CPO: variants seen among roughly 807,000 people sequenced by gnomAD.
The protein encoded by CPO is metallocarboxypeptidase C.
In CPO, 43 loss-of-function variants were observed where a neutral mutation model predicts 41.2. That is an observed-to-expected ratio of 1.04 (90% CI 0.82 to 1.35). The LOEUF is 1.35. Among genes scored for constraint, CPO ranks in the 40% most tolerant of loss-of-function variants. The pLI is 0.00. For missense variants in CPO, 408 were observed against 451.7 expected (o/e 0.90, Z 0.88); for synonymous variants, 178 against 162.7 (o/e 1.09, Z -0.72).
chr2:206,968,586 C>T (rs1444544451), intron 8 of CPO, among the ~76,000 whole-genome samples: 1 of 152,164 alleles, frequency 6.6e-6, no homozygotes, highest in Non-Finnish European at 1.5e-5. Context: ...CAGAACTTCT[C>T]CTGGCTTCAG....
chr2:206,943,732 A>ATAGAT (rs1693081546), intron 1 of CPO, among the ~76,000 whole-genome samples: 80 of 27,618 alleles, frequency 2.9e-3, no homozygotes, highest in Admixed American at 6.3e-3. Flanking sequence ...GATAGATGAT[A>ATAGAT]GATAGATAGA....
chr2:206,961,424 G>A (rs933260864), intron 6 of CPO, among the ~76,000 whole-genome samples: 1 of 152,120 alleles, frequency 6.6e-6, no homozygotes, highest in Non-Finnish European at 1.5e-5. Flanking sequence ...AGATGGGAAG[G>A]GTTAAAATTG....
intron 3 of CPO, 33 bp downstream of exon 3, chr2:206,955,597 G>T: frequency 9.0e-7 from 1 of 1,114,042 alleles, no homozygotes; most frequent in South Asian, 1.2e-5. Flanking sequence ...ACCTTACCAG[G>T]AGAATTATCC....
intron 7 of CPO, among the ~76,000 whole-genome samples, chr2:206,967,200 A>G (rs934280554): frequency 1.3e-5 from 2 of 152,066 alleles, no homozygotes; most frequent in Non-Finnish European, 2.9e-5. Flanking sequence ...CCTAGGCGAC[A>G]TGCAACAGAA....
At position 206,949,663 on chromosome 2, in the gene CPO, C is replaced by G. The variant is rs781617344; in HGVS notation, c.115C>G (p.Pro39Ala). 6.2e-7 allele frequency: 1 copy of G among 1,613,458 alleles called. No homozygotes were observed. Among genetic ancestry groups the G allele is most frequent in the Admixed American group, 1.7e-5 (1 of 59,992 alleles). ...AGAGATTGTGGACAAGTCAGTGAGT[C>G]CATGGAGCCTGGAGACGTATTCCTA... is the stretch of plus-strand genomic sequence containing the variant. ...RQEIVDKSVS[P>A]WSLETYSYNI... The change falls in exon 2 of 9, where the codon CCA (proline) becomes GCA (alanine). Residue 39 changes from proline (P) to alanine (A), a missense_variant. Physicochemically the swap from Pro to Ala is conservative, Grantham distance 27. Coordinates refer to ENST00000272852, the MANE Select transcript of CPO (RefSeq NM_173077.3).
At chr2:206,942,414 G>A (rs1384747980) in intron 1 of CPO, among the ~76,000 whole-genome samples, 1 of 151,932 alleles carries the variant, frequency 6.6e-6, no homozygotes, top group Non-Finnish European at 1.5e-5. Context: ...TTAGGCATAT[G>A]TTAATTTTGT....
Position 206,955,584 on chromosome 2 carries a change from A to C in CPO, c.267+20A>C. Reference sequence around the variant, plus strand: ...CTGAAGGTGAGTGAGAAGGCTGAGAATTACCTTACCAGGAGAATTATCCAG... The same window carrying C: ...CTGAAGGTGAGTGAGAAGGCTGAGACTTACCTTACCAGGAGAATTATCCAG... On this transcript the variant is annotated intron_variant, in intron 3 of 8. Coordinates refer to ENST00000272852, the MANE Select transcript of CPO (RefSeq NM_173077.3). The C allele has an allele frequency of 1.6e-6, 2 of 1,234,326 alleles. No individual in the cohort carries two copies. The highest frequency in any genetic ancestry group is 2.4e-6 in the Non-Finnish European group (2 of 832,302). The allele number at this position is 1,234,326 out of a possible 1,614,324, so 76.5% of individuals were successfully genotyped here.
chr2:206,949,572 C>A (rs1252452496), intron 1 of CPO, 45 bp from the exon 2 acceptor site: 2 of 1,406,812 alleles, frequency 1.4e-6, no homozygotes, highest in Non-Finnish European at 2.0e-6. Context: ...CTCAGGATAT[C>A]CCAGTTTCAC....
intron 1 of CPO, among the ~76,000 whole-genome samples, chr2:206,944,433 C>G (rs561258529): frequency 7.9e-5 from 12 of 151,750 alleles, no homozygotes; most frequent in Admixed American, 3.3e-4. Context: ...TCTGAAGCAC[C>G]CTTGTTTATT....
chr2:206,962,889 A>G (rs571697012), intron 7 of CPO, among the ~76,000 whole-genome samples: 4 of 152,366 alleles, frequency 2.6e-5, no homozygotes, highest in African/African-American at 9.6e-5. Flanking sequence ...TGAGATGATT[A>G]TGTTAATAAT....
At chr2:206,961,809 T>A (rs1355368176) in intron 6 of CPO, among the ~76,000 whole-genome samples, 1 of 151,844 alleles carries the variant, frequency 6.6e-6, no homozygotes, top group Non-Finnish European at 1.5e-5. Flanking sequence ...AAAAGCATAC[T>A]GGCAGGGCAC....
At position 206,958,320 on chromosome 2, in the gene CPO, A is replaced by T; in HGVS notation, c.287A>T (p.Asn96Ile). ...YYLKISQPSG[N>I]PKKIIWMDCG... Reference sequence around the variant, plus strand: ...CTCCAGATCAGCCAACCATCTGGTAATCCCAAGAAAATCATTTGGATGGAC... The same window carrying T: ...CTCCAGATCAGCCAACCATCTGGTATTCCCAAGAAAATCATTTGGATGGAC... The change falls in exon 4 of 9, where the codon AAT (asparagine) becomes ATT (isoleucine). Residue 96 changes from asparagine to isoleucine, a missense_variant. Asn to Ile is a moderately radical substitution (Grantham distance 149). Coordinates refer to ENST00000272852, the MANE Select transcript of CPO (RefSeq NM_173077.3). 6.3e-7 allele frequency: 1 copy of T among 1,594,718 alleles called. No individual in the cohort carries two copies. The highest frequency in any genetic ancestry group is 8.5e-7 in the Non-Finnish European group (1 of 1,170,184).
intron 6 of CPO, among the ~76,000 whole-genome samples, chr2:206,962,086 C>T (rs559519615): frequency 6.6e-5 from 9 of 135,534 alleles, no homozygotes; most frequent in African/African-American, 1.4e-4. Flanking sequence ...GGCGACAGAG[C>T]GAGACTCTGT....
At chr2:206,947,987 A>C (rs1693177787) in intron 1 of CPO, among the ~76,000 whole-genome samples, 1 of 152,246 alleles carries the variant, frequency 6.6e-6, no homozygotes, top group South Asian at 2.1e-4. Flanking sequence ...AGAATTCAAA[A>C]TGGTACAGCC....
intron 1 of CPO, among the ~76,000 whole-genome samples, chr2:206,948,253 G>C (rs373415686): frequency 1.3e-5 from 2 of 152,252 alleles, no homozygotes; most frequent in East Asian, 1.9e-4. Context: ...TGCTAATAAA[G>C]AAATTAGCTT....
At position 206,967,086 on chromosome 2, in the gene CPO, C is replaced by A. The variant is rs953664808; in HGVS notation, c.778-1177C>A. Among the ~76,000 whole-genome samples the A allele has an allele frequency of 5.3e-5, 8 of 152,062 alleles. No individual in the cohort carries two copies. The East Asian group carries it at 1.2e-3, about 22-fold the overall frequency. ...GGGTAAGGCTTTGGCAGATCACAGT[C>A]CAGGCAGGGAGGGAGACTGTCAGGG... is the stretch of plus-strand genomic sequence containing the variant. On this transcript the variant is annotated intron_variant, in intron 7 of 8. Transcript: ENST00000272852.
At chr2:206,943,256 G>C (rs948104685) in intron 1 of CPO, among the ~76,000 whole-genome samples, 3 of 152,086 alleles carry the variant, frequency 2.0e-5, no homozygotes, top group Admixed American at 6.6e-5. Context: ...CAGCTTCCTT[G>C]TTCTCAATAC....
At chr2:206,939,776 A>G (rs561500322) in intron 1 of CPO, 109 bp downstream of exon 1, 1 of 720,414 alleles carries the variant, frequency 1.4e-6, no homozygotes, top group East Asian at 2.8e-5. Flanking sequence ...TGCTACTCAT[A>G]TATACCACCA....
At chr2:206,960,303 G>A (rs902282127) in intron 5 of CPO, among the ~76,000 whole-genome samples, 1 of 152,134 alleles carries the variant, frequency 6.6e-6, no homozygotes, top group African/African-American at 2.4e-5. Context: ...GCTCCCCTAA[G>A]GACTTCAGGG....
Sources: allele counts gnomAD v4.1 joint callset (sites outside exome capture counted in the v4.1 genomes callset), GRCh38; gene constraint gnomAD v4.1.1; transcripts MANE v1.5; gene names NCBI Gene and HGNC (gene_info 2026-07-23, HGNC 2026-07-21).